The following RRM2B variants were observed in gnomAD, a reference collection of about 807,000 sequenced individuals.
The protein encoded by RRM2B is ribonucleotide reductase regulatory TP53 inducible subunit M2B, also known as ribonucleoside-diphosphate reductase subunit M2 B.
In RRM2B, 20 loss-of-function variants were observed where a neutral mutation model predicts 45.9. That is an observed-to-expected ratio of 0.44 (90% confidence interval 0.31 to 0.63). RRM2B has a LOEUF of 0.63. Among genes scored for constraint, RRM2B ranks in the 30% least tolerant of loss-of-function variants. The probability of loss-of-function intolerance (pLI) is 0.09; values close to 1 mark genes in which losing one functional copy is unlikely to be tolerated. For missense variants in RRM2B, 320 were observed against 414.7 expected (o/e 0.77, Z 1.98); for synonymous variants, 124 against 132.3 (o/e 0.94, Z 0.43).
At chr8:102,208,820 C>T (rs1011268734) in intron 8 of RRM2B, among the ~76,000 whole-genome samples, 10 of 152,112 alleles carry the variant, frequency 6.6e-5, no homozygotes, top group Non-Finnish European at 1.2e-4. Context: ...AAAAGGGGGA[C>T]TATGCTAACA....
At chr8:102,238,770 C>G (rs1473819157) in intron 1 of RRM2B, 57 bp downstream of exon 1, 2 of 1,613,116 alleles carry the variant, frequency 1.2e-6, no homozygotes, top group Non-Finnish European at 1.7e-6. Context: ...CTGCAACTTG[C>G]AATCTAACGG....
In RRM2B at chr8:102,217,587, T is replaced by G. The variant is rs545297481; in HGVS notation, c.684+1227A>C. ...ATTAGTGTAGGCAATAAATGTTAAC[T>G]GAATGGCTATAATAGCCAAAACATT... On this transcript the variant is annotated intron_variant, in intron 6 of 8. Coordinates refer to ENST00000251810, the MANE Select transcript of RRM2B (RefSeq NM_015713.5). 2.0e-4 allele frequency among the ~76,000 whole-genome samples: 31 copies of G among 152,312 alleles called. No individual in the cohort carries two copies. In the South Asian group the frequency reaches 4.3e-3, roughly 21 times the overall value.
chr8:102,223,349 G>A (rs1810867248), intron 5 of RRM2B, among the ~76,000 whole-genome samples: 1 of 152,074 alleles, frequency 6.6e-6, no homozygotes, highest in Non-Finnish European at 1.5e-5. Context: ...TAGTTTTTGA[G>A]AAACTAGATA....
intron 5 of RRM2B, 81 bp downstream of exon 5, chr8:102,223,965 C>A: frequency 1.0e-6 from 1 of 966,498 alleles, no homozygotes; most frequent in South Asian, 1.3e-5. Context: ...AACTTTGATT[C>A]GTACTGGATA....
intron 5 of RRM2B, among the ~76,000 whole-genome samples, chr8:102,222,011 T>A (rs868816448): frequency 2.0e-5 from 3 of 152,040 alleles, no homozygotes; most frequent in Non-Finnish European, 4.4e-5. Context: ...TTCTTAAAAG[T>A]TTTTCCACAA....
Position 102,207,109 on chromosome 8 carries a change from C to T in RRM2B, c.*1024G>A, listed in dbSNP as rs1810556305. Reference sequence around the variant, plus strand: ...GGGTGAGATGTTAACAGGTAAAAAACATCTGTGTTAAGTATGTTGGGAATA... The same window carrying T: ...GGGTGAGATGTTAACAGGTAAAAAATATCTGTGTTAAGTATGTTGGGAATA... On this transcript the variant is annotated 3_prime_UTR_variant, in exon 9 of 9. Coordinates refer to ENST00000251810, the MANE Select transcript of RRM2B (RefSeq NM_015713.5). 6.6e-6 allele frequency: 1 copy of T among 152,164 alleles called. No homozygotes were observed. Among genetic ancestry groups the T allele is most frequent in the Non-Finnish European group, 1.5e-5 (1 of 68,016 alleles). The allele number at this position is 152,164 out of a possible 1,614,324, so 9.4% of individuals were successfully genotyped here. A position where few individuals can be genotyped will look rare whatever the true frequency, so the allele number is the denominator to read the frequency against.
chr8:102,234,981 T>A (rs983689237), intron 1 of RRM2B: 1 of 152,380 alleles, frequency 6.6e-6, no homozygotes, highest in Non-Finnish European at 1.5e-5. Context: ...TTAGTAGTAA[T>A]CTGATTTTTA....
At position 102,232,231 on chromosome 8, in the gene RRM2B, C is replaced by G. The variant is rs200273673; in HGVS notation, c.122G>C (p.Arg41Pro). 1.9e-6 allele frequency: 3 copies of G among 1,613,856 alleles called. No individual in the cohort carries two copies. Among genetic ancestry groups the G allele is most frequent in the Non-Finnish European group, 2.5e-6 (3 of 1,179,896 alleles). Reference sequence around the variant, plus strand: ...GTACTGGATTGGAAAGATGACAAACCGGCGAGAACTCTTTCTTAGGAGTGG... The same window carrying G: ...GTACTGGATTGGAAAGATGACAAACGGGCGAGAACTCTTTCTTAGGAGTGG... ...EEPLLRKSSR[R>P]FVIFPIQYPD... The change falls in exon 2 of 9, where the codon CGG becomes CCG. Residue 41 changes from arginine to proline, a missense_variant. Physicochemically the swap from Arg to Pro is moderately radical, Grantham distance 103. This residue lies in a region of RRM2B where 225 missense variants were observed against 289.4 expected (regional missense o/e 0.78). Transcript: ENST00000251810.
rs1314882154 is a variant in RRM2B, at chr8:102,208,128, G to GT, written c.*4dup. On this transcript the variant is annotated 3_prime_UTR_variant, in exon 9 of 9. Coordinates refer to ENST00000251810, the MANE Select transcript of RRM2B (RefSeq NM_015713.5). ...AGTTTATAGAGTTTTAAAACGAGAG[G>GT]TTTTTTAAAAATCTGCATCCAAGGT... The GT allele has an allele frequency of 9.3e-6, 15 of 1,610,332 alleles. No individual in the cohort carries two copies. Among genetic ancestry groups the GT allele is most frequent in the Admixed American group, 1.7e-5 (1 of 59,916 alleles).
intron 6 of RRM2B, among the ~76,000 whole-genome samples, chr8:102,217,784 A>C (rs1198962212): frequency 2.0e-5 from 3 of 151,850 alleles, no homozygotes; most frequent in Non-Finnish European, 4.4e-5. Context: ...TTGATCAGGA[A>C]AGTTTTGAGA....
At chr8:102,224,801 CTTAACA>C (rs1810899933) in intron 4 of RRM2B, 78 bp downstream of exon 4, 31 of 1,320,526 alleles carry the variant, frequency 2.3e-5, no homozygotes, top group East Asian at 2.3e-4. Context: ...ATAATCTTTC[CTTAACA>C]TTGAGTTTTG....
At chr8:102,220,876 A>G (rs2132551350) in intron 5 of RRM2B, among the ~76,000 whole-genome samples, 1 of 152,318 alleles carries the variant, frequency 6.6e-6, no homozygotes, top group East Asian at 1.9e-4. Flanking sequence ...TTGAGAACAT[A>G]TGTGAAATAA....
At chr8:102,230,598 T>C (rs1261871070) in intron 2 of RRM2B, among the ~76,000 whole-genome samples, 1 of 152,202 alleles carries the variant, frequency 6.6e-6, no homozygotes, top group Non-Finnish European at 1.5e-5. Context: ...ATTGGGTGTT[T>C]GTTTTTGTGT....
intron 6 of RRM2B, among the ~76,000 whole-genome samples, chr8:102,215,405 C>CAA (rs553411812): frequency 0.041 from 5,099 of 123,054 alleles, 149 homozygotes; most frequent in Admixed American, 0.1. Context: ...GAGACTGTTT[C>CAA]AAAAAAAAAA....
chr8:102,218,533 C>T lies in RRM2B; in HGVS notation c.684+281G>A, dbSNP rs3018505. Among the ~76,000 whole-genome samples the T allele has an allele frequency of 0.075, 11,357 of 151,880 alleles. 548 individuals are homozygous for T. Among genetic ancestry groups the T allele is most frequent in the South Asian group, 0.1 (503 of 4,806 alleles). ...AGGAGTTCAAGACCAGCCTGGGCAA[C>T]GTGGTGAAGCCCTGTCTCTAAAAAA... is the stretch of plus-strand genomic sequence containing the variant. On this transcript the variant is annotated intron_variant, in intron 6 of 8. Coordinates refer to ENST00000251810, the MANE Select transcript of RRM2B (RefSeq NM_015713.5).
At position 102,205,856 on chromosome 8, in the gene RRM2B, G is replaced by C. The variant is rs927178780; in HGVS notation, c.*2277C>G. The C allele has an allele frequency of 8.6e-5, 13 of 151,996 alleles. No homozygotes were observed. The highest frequency in any genetic ancestry group is 3.1e-4 in the African/African-American group (13 of 41,396). The allele number at this position is 151,996 out of a possible 1,614,324, so 9.4% of individuals were successfully genotyped here. On this transcript the variant is annotated 3_prime_UTR_variant, in exon 9 of 9. Coordinates refer to ENST00000251810, the MANE Select transcript of RRM2B (RefSeq NM_015713.5). The stretch of plus-strand genomic sequence containing the variant: ...AGATAGAATACCAAATAACAAACCA[G>C]TGCATTAAAAATCCAGTATGTCAGT...
intron 5 of RRM2B, among the ~76,000 whole-genome samples, chr8:102,221,233 A>G (rs1810830383): frequency 6.6e-6 from 1 of 152,234 alleles, no homozygotes; most frequent in Non-Finnish European, 1.5e-5. Flanking sequence ...AATAATTTTT[A>G]AAGAAATATT....
intron 2 of RRM2B, among the ~76,000 whole-genome samples, chr8:102,229,927 G>A (rs568745994): frequency 1.6e-3 from 248 of 152,238 alleles, no homozygotes; most frequent in Middle Eastern, 3.4e-3. Context: ...AATATTGTAA[G>A]ATGCTTCCTC....
At chr8:102,212,659 C>A in intron 8 of RRM2B, 117 bp downstream of exon 8, 1 of 648,210 alleles carries the variant, frequency 1.5e-6, no homozygotes, top group Non-Finnish European at 2.7e-6. Flanking sequence ...AAGTCTCTGT[C>A]ATTGACATTT....
Sources: gnomAD v4.1 joint callset for allele counts (sites outside exome capture counted in the v4.1 genomes callset) on GRCh38, gnomAD v4.1.1 for gene constraint, gnomAD v4.1.1 regional missense constraint, MANE v1.5 for transcripts, NCBI Gene and HGNC (gene_info 2026-07-23, HGNC 2026-07-21) for gene names.